Variants in RABEP1 observed in about 807,000 individuals in gnomAD.
The protein encoded by RABEP1 is rab GTPase-binding effector protein 1.
Under a neutral mutation model 123.4 loss-of-function variants are expected in RABEP1, and 51 were observed. The ratio of observed to expected loss-of-function variants is 0.41; its 90% CI spans 0.33 to 0.52. RABEP1 has a LOEUF of 0.52. Ranked by LOEUF, RABEP1 falls within the 20% of genes least tolerant of loss-of-function variation. RABEP1 has a pLI of 0.16. For missense variants in RABEP1, 888 were observed against 996.3 expected (o/e 0.89, Z 1.46); for synonymous variants, 347 against 355.2 (o/e 0.98, Z 0.26).
intron 2 of RABEP1, among the ~76,000 whole-genome samples, chr17:5,310,301 C>T (rs867544242): frequency 0.28 from 35,794 of 126,160 alleles, 7,068 homozygotes; most frequent in African/African-American, 0.42. Context: ...AAGCTTCGTC[C>T]TTTTTTTTTT....
At position 5,335,338 on chromosome 17, in the gene RABEP1, GA is replaced by G; in HGVS notation, c.527del (p.Lys176ArgfsTer13). The part of the protein sequence containing the change: ...QEEENLENEM[K>X]KAQEDAEKLR... ...AGGAGGAAAATTTAGAAAATGAAAT[GA>G]AAAAGGTATGAAGGAATGTGTTCAT... On this transcript the variant is annotated frameshift_variant, in exon 4 of 18. Transcript: ENST00000537505. LOFTEE classifies it high-confidence loss of function. 1 of 1,606,788 alleles carries G rather than the reference GA, an allele frequency of 6.2e-7. No homozygotes were observed. The highest frequency in any genetic ancestry group is 8.5e-7 in the Non-Finnish European group (1 of 1,176,958).
At chr17:5,285,060 T>G (rs2074964553) in intron 1 of RABEP1, among the ~76,000 whole-genome samples, 1 of 152,026 alleles carries the variant, frequency 6.6e-6, no homozygotes, top group Non-Finnish European at 1.5e-5. Flanking sequence ...AGGGATGAAA[T>G]GTAATCATTT....
intron 3 of RABEP1, among the ~76,000 whole-genome samples, chr17:5,333,312 G>A (rs958298152): frequency 4.6e-5 from 7 of 151,956 alleles, no homozygotes; most frequent in African/African-American, 7.3e-5. Flanking sequence ...ACAGGCGCCC[G>A]CCACCACGCC....
chr17:5,337,585 C>T lies in RABEP1; in HGVS notation c.529-434C>T, dbSNP rs1240359001. 2.6e-5 allele frequency among the ~76,000 whole-genome samples: 4 copies of T among 151,902 alleles called. No homozygotes were observed. In the South Asian group the frequency reaches 6.2e-4, roughly 24 times the overall value. ...GCAGGCGCCTGTAGTCCCAGTTACT[C>T]GGGAGGCTGAGGCAGGAGAATGGTG... is the stretch of plus-strand genomic sequence containing the variant. On this transcript the variant is annotated intron_variant, in intron 4 of 17. Transcript: ENST00000537505.
intron 6 of RABEP1, among the ~76,000 whole-genome samples, chr17:5,349,149 TTG>T (rs1490594817): frequency 6.6e-6 from 1 of 152,214 alleles, no homozygotes; most frequent in African/African-American, 2.4e-5. Context: ...ATGTGCCTTT[TTG>T]TGTCTGGCTT....
chr17:5,291,886 A>G (rs12450016), intron 1 of RABEP1, among the ~76,000 whole-genome samples: 55,971 of 152,074 alleles, frequency 0.37, 12,521 homozygotes, highest in Non-Finnish European at 0.51. Flanking sequence ...GCCTGGGGGA[A>G]AGAGCGATAC....
At chr17:5,334,637 T>A (rs1906886716) in intron 3 of RABEP1, among the ~76,000 whole-genome samples, 1 of 152,212 alleles carries the variant, frequency 6.6e-6, no homozygotes, top group Admixed American at 6.5e-5. Context: ...GTGCTAGGGT[T>A]ACAGGTGTGT....
intron 1 of RABEP1, among the ~76,000 whole-genome samples, chr17:5,307,685 A>G (rs1309049142): frequency 1.3e-5 from 2 of 152,208 alleles, no homozygotes; most frequent in African/African-American, 2.4e-5. Context: ...TTATGCTTCA[A>G]TCAAAGGAAC....
intron 2 of RABEP1, among the ~76,000 whole-genome samples, chr17:5,311,905 T>G (rs538386275): frequency 1.4e-4 from 22 of 152,306 alleles, no homozygotes; most frequent in South Asian, 1.0e-3. Context: ...ACCCTTGGTC[T>G]CATGAGTGAG....
At chr17:5,374,196 AG>A (rs1910786310) in intron 13 of RABEP1, among the ~76,000 whole-genome samples, 4 of 151,838 alleles carry the variant, frequency 2.6e-5, no homozygotes, top group African/African-American at 7.3e-5. Context: ...CCTCCCCAGT[AG>A]CTGGGATTAC....
intron 1 of RABEP1, among the ~76,000 whole-genome samples, chr17:5,303,930 G>A (rs1318583083): frequency 6.6e-6 from 1 of 151,938 alleles, no homozygotes; most frequent in African/African-American, 2.4e-5. Flanking sequence ...CGACTTGGGA[G>A]GCTGAGGCAG....
intron 2 of RABEP1, among the ~76,000 whole-genome samples, chr17:5,328,645 TAAAAAAAAA>T (rs60062792): frequency 1.8e-4 from 10 of 54,104 alleles, no homozygotes; most frequent in Non-Finnish European, 2.5e-4. Context: ...GACGCTGTGT[TAAAAAAAAA>T]AAAAAAAAAA....
chr17:5,319,983 C>G (rs1479483183), intron 2 of RABEP1, among the ~76,000 whole-genome samples: 1 of 152,176 alleles, frequency 6.6e-6, no homozygotes, highest in Admixed American at 6.6e-5. Context: ...TAGCAGAAAA[C>G]TCTCCAAAAC....
intron 1 of RABEP1, among the ~76,000 whole-genome samples, chr17:5,303,231 G>GTTTTA (rs922823709): frequency 7.0e-4 from 106 of 152,074 alleles, no homozygotes; most frequent in African/African-American, 2.5e-3. Context: ...ATACTTAATA[G>GTTTTA]TTTTATTTTA....
chr17:5,329,526 C>T (rs561908936), intron 2 of RABEP1, among the ~76,000 whole-genome samples: 165 of 151,896 alleles, frequency 1.1e-3, no homozygotes, highest in African/African-American at 3.1e-3. Flanking sequence ...AGCGAGACTC[C>T]GTCTCAAAAA....
At position 5,361,456 on chromosome 17, in the gene RABEP1, G is replaced by A. The variant is rs1909527161; in HGVS notation, c.1344G>A (p.Val448=). 2 of 1,614,080 alleles carry A rather than the reference G, an allele frequency of 1.2e-6. No individual in the cohort carries two copies. Among genetic ancestry groups the A allele is most frequent in the South Asian group, 2.2e-5 (2 of 91,088 alleles). The change falls in exon 9 of 18, where the codon GTG becomes GTA. Residue 448 remains valine, a synonymous_variant. Coordinates refer to ENST00000537505, the MANE Select transcript of RABEP1 (RefSeq NM_004703.6). ...DFGPLVGADS[V]SENFDTASLG... ...GACCACTGGTAGGAGCAGATTCAGT[G>A]TCTGAGAACTTTGATACTGCATCCC... is the stretch of plus-strand genomic sequence containing the variant.
intron 15 of RABEP1, 76 bp downstream of exon 15, chr17:5,378,308 G>C (rs1325415217): frequency 7.3e-7 from 1 of 1,373,278 alleles, no homozygotes; most frequent in Admixed American, 1.7e-5. Context: ...TGCACCCAAC[G>C]AATAAAAAAT....
At chr17:5,331,091 A>G (rs942730716) in intron 2 of RABEP1, among the ~76,000 whole-genome samples, 1 of 143,344 alleles carries the variant, frequency 7.0e-6, no homozygotes, top group Non-Finnish European at 1.5e-5. Context: ...AAAGTTTTGT[A>G]AGAGAAGACA....
rs1226569620 is a variant in RABEP1 at position 5,373,389 on chromosome 17, G to A, written c.1960G>A (p.Gly654Arg). 1 of 1,613,078 alleles carries A rather than the reference G, an allele frequency of 6.2e-7. No individual in the cohort carries two copies. Among genetic ancestry groups the A allele is most frequent in the East Asian group, 2.2e-5 (1 of 44,822 alleles). Reference protein sequence around the residue: ...RLQKDNDSLQGKHSLHVSLQQ... With the variant: ...RLQKDNDSLQRKHSLHVSLQQ... Reference sequence around the variant, plus strand: ...ACAGAAAGATAATGACAGTCTCCAGGGAAAGCACAGCCTGCATGTGTCATT... The same window carrying A: ...ACAGAAAGATAATGACAGTCTCCAGAGAAAGCACAGCCTGCATGTGTCATT... The change falls in exon 13 of 18, where the codon GGA becomes AGA. Residue 654 changes from glycine to arginine, a missense_variant. Physicochemically the swap from Gly to Arg is moderately radical, Grantham distance 125. Transcript: ENST00000537505.
Sources: gnomAD v4.1 joint callset for allele counts (sites outside exome capture counted in the v4.1 genomes callset) on GRCh38, gnomAD v4.1.1 for gene constraint, MANE v1.5 for transcripts, NCBI Gene and HGNC (gene_info 2026-07-23, HGNC 2026-07-21) for gene names.